The following VAT1L variants were observed in gnomAD, a reference collection of about 807,000 sequenced individuals.
The protein encoded by VAT1L is putative NADPH-dependent quinone oxidoreductase VAT1L.
A neutral mutation model predicts 44.1 loss-of-function variants in VAT1L; 34 were observed. The observed-to-expected ratio is 0.77, with a 90% CI of 0.59 to 1.03. The LOEUF (loss-of-function observed/expected upper bound fraction) is 1.03. Among genes scored for constraint, VAT1L ranks in the 50% least tolerant of loss-of-function variants. The pLI, the probability that VAT1L is intolerant of heterozygous loss-of-function variation, is 0.00. For missense variants in VAT1L, 615 were observed against 538.8 expected, an observed-to-expected ratio of 1.14 and a Z score of -1.40; for synonymous variants, 253 against 202.2, an observed-to-expected ratio of 1.25 and a Z score of -2.13.
At chr16:77,958,229 C>T (rs1298942041) in intron 7 of VAT1L, among the ~76,000 whole-genome samples, 3 of 152,068 alleles carry the variant, frequency 2.0e-5, no homozygotes, top group Admixed American at 1.3e-4. Flanking sequence ...TTATATGTCC[C>T]TCCGTTTGGC....
intron 3 of VAT1L, among the ~76,000 whole-genome samples, chr16:77,861,728 G>A (rs2016916014): frequency 6.6e-6 from 1 of 152,248 alleles, no homozygotes; most frequent in African/African-American, 2.4e-5. Context: ...GAAGAAGCCA[G>A]ATAGGCACAA....
At chr16:77,895,930 G>A (rs1166487928) in intron 7 of VAT1L, among the ~76,000 whole-genome samples, 1 of 152,132 alleles carries the variant, frequency 6.6e-6, no homozygotes, top group Non-Finnish European at 1.5e-5. Flanking sequence ...GAAGAGAGCT[G>A]GGCAGGGCTG....
At chr16:77,898,292 G>A (rs1006963910) in intron 7 of VAT1L, among the ~76,000 whole-genome samples, 1 of 152,152 alleles carries the variant, frequency 6.6e-6, no homozygotes, top group Non-Finnish European at 1.5e-5. Flanking sequence ...GAGTTGCTGG[G>A]AGTTAGGATT....
At chr16:77,856,034 A>G (rs149896892) in intron 3 of VAT1L, among the ~76,000 whole-genome samples, 1 of 152,138 alleles carries the variant, frequency 6.6e-6, no homozygotes, top group Non-Finnish European at 1.5e-5. Context: ...ACAAACAAAC[A>G]AACAAAAAAC....
intron 4 of VAT1L, among the ~76,000 whole-genome samples, chr16:77,875,535 C>T (rs1424059304): frequency 2.0e-5 from 3 of 152,224 alleles, no homozygotes; most frequent in East Asian, 1.9e-4. Flanking sequence ...TCCTGTTCTA[C>T]AGCCCCCTCC....
intron 2 of VAT1L, among the ~76,000 whole-genome samples, chr16:77,818,483 C>T (rs1597178082): frequency 6.6e-6 from 1 of 152,140 alleles, no homozygotes; most frequent in Non-Finnish European, 1.5e-5. Context: ...GAAAGTGCTG[C>T]ACATAAGAAA....
intron 8 of VAT1L, 112 bp downstream of exon 8, chr16:77,972,045 G>GGA (rs1463969354): frequency 5.3e-6 from 5 of 950,706 alleles, no homozygotes; most frequent in Non-Finnish European, 7.9e-6. Context: ...GTGGGCTAGT[G>GGA]GAGGAGACCA....
chr16:77,862,194 A>T (rs1597072039), intron 3 of VAT1L, among the ~76,000 whole-genome samples: 1 of 152,216 alleles, frequency 6.6e-6, no homozygotes, highest in Admixed American at 6.5e-5. Flanking sequence ...GACACTTTGC[A>T]ATGTCTGGAT....
At chr16:77,813,590 TGA>T (rs2016302962) in intron 1 of VAT1L, among the ~76,000 whole-genome samples, 1 of 152,228 alleles carries the variant, frequency 6.6e-6, no homozygotes, top group Non-Finnish European at 1.5e-5. Flanking sequence ...GGAGTTGGGT[TGA>T]CTCTGTTGCT....
At chr16:77,856,063 A>G (rs761647032) in intron 3 of VAT1L, among the ~76,000 whole-genome samples, 2 of 152,184 alleles carry the variant, frequency 1.3e-5, no homozygotes, top group Non-Finnish European at 2.9e-5. Context: ...GATAGAATGA[A>G]TGACTCAATG....
chr16:77,935,043 C>T lies in VAT1L; in HGVS notation c.1078-36807C>T, dbSNP rs77774734. On this transcript the variant is annotated intron_variant, in intron 7 of 8. Coordinates refer to ENST00000302536, the MANE Select transcript of VAT1L (RefSeq NM_020927.3). The stretch of plus-strand genomic sequence containing the variant: ...TGGTGCTCGATTTCCTCTGGTACCA[C>T]GGAATGTTTCTTTGGGCAGGTCTCT... Among the ~76,000 whole-genome samples the T allele has an allele frequency of 8.9e-3, 1,352 of 152,206 alleles. 9 individuals are homozygous for T. Among genetic ancestry groups the T allele is most frequent in the Non-Finnish European group, 0.015 (1,012 of 68,020 alleles).
intron 1 of VAT1L, among the ~76,000 whole-genome samples, chr16:77,807,781 G>C (rs947784505): frequency 3.3e-5 from 5 of 152,096 alleles, no homozygotes; most frequent in Non-Finnish European, 4.4e-5. Flanking sequence ...CCCGTAAGGT[G>C]GTTGTGTTAC....
At chr16:77,803,245 C>G (rs558614885) in intron 1 of VAT1L, among the ~76,000 whole-genome samples, 1 of 152,136 alleles carries the variant, frequency 6.6e-6, no homozygotes, top group Non-Finnish European at 1.5e-5. Flanking sequence ...GTTCCTTAGT[C>G]ACACTAGTTA....
At chr16:77,960,480 A>G (rs919192790) in intron 7 of VAT1L, among the ~76,000 whole-genome samples, 13 of 152,200 alleles carry the variant, frequency 8.5e-5, no homozygotes, top group African/African-American at 3.1e-4. Context: ...AGGCATTAAC[A>G]GATTGCACAG....
intron 3 of VAT1L, among the ~76,000 whole-genome samples, chr16:77,837,109 G>C (rs2016648053): frequency 6.6e-6 from 1 of 152,152 alleles, no homozygotes; most frequent in South Asian, 2.1e-4. Flanking sequence ...GGGCTGACAG[G>C]TAGGCAGTGC....
intron 7 of VAT1L, among the ~76,000 whole-genome samples, chr16:77,890,843 G>C (rs1490263731): frequency 1.3e-5 from 2 of 151,078 alleles, no homozygotes; most frequent in Non-Finnish European, 2.9e-5. Flanking sequence ...AGGATGACTT[G>C]AGTCTTGGGG....
intron 7 of VAT1L, among the ~76,000 whole-genome samples, chr16:77,918,094 G>A (rs538165600): frequency 9.2e-5 from 14 of 152,280 alleles, no homozygotes; most frequent in South Asian, 2.1e-4. Flanking sequence ...CAATAAATGT[G>A]TGAATGGGGA....
chr16:77,889,441 A>G (rs1486223681), intron 7 of VAT1L, among the ~76,000 whole-genome samples: 1 of 152,114 alleles, frequency 6.6e-6, no homozygotes, highest in Non-Finnish European at 1.5e-5. Flanking sequence ...AAATACTTGC[A>G]TTTTTCAACC....
chr16:77,971,373 A>G (rs2018276279), intron 7 of VAT1L, among the ~76,000 whole-genome samples: 1 of 152,080 alleles, frequency 6.6e-6, no homozygotes, highest in African/African-American at 2.4e-5. Flanking sequence ...CCTCCCAATA[A>G]CCAGAATCGT....
Sources: allele counts gnomAD v4.1 joint callset (sites outside exome capture counted in the v4.1 genomes callset), GRCh38; gene constraint gnomAD v4.1.1; transcripts MANE v1.5; gene names NCBI Gene and HGNC (gene_info 2026-07-23, HGNC 2026-07-21).